The following TENM2 variants were observed in gnomAD, a reference collection of about 807,000 sequenced individuals.
TENM2 encodes the protein teneurin-2.
A neutral mutation model predicts 245.2 loss-of-function variants in TENM2; 52 were observed. That is an observed-to-expected ratio of 0.21 (90% confidence interval 0.17 to 0.27). The LOEUF is 0.27. Ranked by LOEUF, TENM2 falls within the 10% of genes least tolerant of loss-of-function variation. The pLI, the probability that TENM2 is intolerant of heterozygous loss-of-function variation, is 1.00. For missense variants in TENM2, 3,046 were observed against 3,666.8 expected (o/e 0.83, Z 4.37); for synonymous variants, 1,363 against 1,438.9 (o/e 0.95, Z 1.19).
intron 2 of TENM2, among the ~76,000 whole-genome samples, chr5:167,825,110 A>T (rs1004099277): frequency 1.3e-4 from 20 of 152,078 alleles, no homozygotes; most frequent in Non-Finnish European, 2.6e-4. Flanking sequence ...TCCTATCTGG[A>T]TTTATATTTT....
At chr5:168,028,431 GGGGCGATTCTAGGCAT>G (rs1459737259) in intron 5 of TENM2, among the ~76,000 whole-genome samples, 1 of 152,088 alleles carries the variant, frequency 6.6e-6, no homozygotes. Context: ...AAGGTGCTCA[GGGGCGATTCTAGGCAT>G]GGGCAGTGCT....
chr5:167,950,851 G>T (rs1780035647), intron 3 of TENM2, among the ~76,000 whole-genome samples: 2 of 152,160 alleles, frequency 1.3e-5, no homozygotes, highest in African/African-American at 4.8e-5. Context: ...TATTTAAAAT[G>T]TCACTGATGC....
At chr5:167,113,423 T>C in the TENM2 span, among the ~76,000 whole-genome samples, 1 of 152,014 alleles carries the variant, frequency 6.6e-6, no homozygotes, top group South Asian at 2.1e-4. Context: ...GGCGGATCAC[T>C]TGAGCCTAGG....
intron 1 of TENM2, among the ~76,000 whole-genome samples, chr5:167,342,284 A>G (rs1005388518): frequency 3.9e-5 from 6 of 151,930 alleles, no homozygotes; most frequent in African/African-American, 1.5e-4. Flanking sequence ...AGGAGTCTTG[A>G]TTAGGAACTT....
chr5:167,642,681 G>A (rs1323133310), intron 2 of TENM2, among the ~76,000 whole-genome samples: 1 of 152,218 alleles, frequency 6.6e-6, no homozygotes, highest in African/African-American at 2.4e-5. Context: ...AAGAAAAAGT[G>A]TAGTAGAATT....
At chr5:167,200,939 T>G in the TENM2 span, among the ~76,000 whole-genome samples, 1 of 152,140 alleles carries the variant, frequency 6.6e-6, no homozygotes, top group Non-Finnish European at 1.5e-5. Context: ...CCATGAATAT[T>G]ATATCCCAAA....
At chr5:167,244,022 A>AGG in the TENM2 span, among the ~76,000 whole-genome samples, 1 of 152,124 alleles carries the variant, frequency 6.6e-6, no homozygotes, top group African/African-American at 2.4e-5. Flanking sequence ...TTGCCTGGGA[A>AGG]ATCCTTCTTC....
chr5:168,005,383 G>A (rs1465723525), intron 5 of TENM2, among the ~76,000 whole-genome samples: 2 of 152,180 alleles, frequency 1.3e-5, no homozygotes, highest in African/African-American at 2.4e-5. Flanking sequence ...AGCCAAGTCT[G>A]AACTCTTTAA....
the TENM2 span, among the ~76,000 whole-genome samples, chr5:167,093,459 G>A: frequency 6.6e-6 from 1 of 152,140 alleles, no homozygotes; most frequent in Admixed American, 6.5e-5. Context: ...AGGCAGCCAG[G>A]AAAACAAGGT....
chr5:167,725,678 T>C (rs1759949293), intron 2 of TENM2, among the ~76,000 whole-genome samples: 1 of 152,218 alleles, frequency 6.6e-6, no homozygotes, highest in African/African-American at 2.4e-5. Flanking sequence ...AATATTTGTA[T>C]GGCTCGCCAG....
the TENM2 span, among the ~76,000 whole-genome samples, chr5:167,019,104 C>T: frequency 6.6e-6 from 1 of 151,726 alleles, no homozygotes; most frequent in Non-Finnish European, 1.5e-5. Flanking sequence ...TTTGATTTAT[C>T]TTGCCTAAAT....
chr5:167,306,386 G>C (rs549313799), intron 1 of TENM2: 1 of 152,018 alleles, frequency 6.6e-6, no homozygotes, highest in Non-Finnish European at 1.5e-5. Flanking sequence ...CTGGCTTCTT[G>C]CTCCTCAGTC....
the TENM2 span, among the ~76,000 whole-genome samples, chr5:167,100,476 T>C: frequency 6.6e-6 from 1 of 152,204 alleles, no homozygotes; most frequent in Non-Finnish European, 1.5e-5. Flanking sequence ...CCATTGTTAT[T>C]GCTGCCAGAC....
intron 1 of TENM2, among the ~76,000 whole-genome samples, chr5:167,368,424 AT>A (rs1262835958): frequency 6.6e-6 from 1 of 151,760 alleles, no homozygotes; most frequent in Admixed American, 6.6e-5. Flanking sequence ...ATAGAGGGTC[AT>A]TTTTTTTCCA....
At chr5:167,697,142 TG>T (rs1305599684) in intron 2 of TENM2, among the ~76,000 whole-genome samples, 1 of 152,142 alleles carries the variant, frequency 6.6e-6, no homozygotes, top group Admixed American at 6.5e-5. Context: ...CAACCAAAAA[TG>T]CCTCTGGATG....
the TENM2 span, among the ~76,000 whole-genome samples, chr5:167,092,988 T>C: frequency 6.6e-6 from 1 of 152,160 alleles, no homozygotes; most frequent in Non-Finnish European, 1.5e-5. Context: ...ATGGTTAATA[T>C]TCCATGACTT....
chr5:168,229,862 T>TAAAG (rs1185944478), intron 25 of TENM2: 2 of 152,218 alleles, frequency 1.3e-5, no homozygotes, highest in Admixed American at 6.5e-5. Context: ...AGTAGCCTCC[T>TAAAG]AAAGACAAAA....
At chr5:167,333,645 A>G (rs1333221736) in intron 1 of TENM2, among the ~76,000 whole-genome samples, 1 of 152,164 alleles carries the variant, frequency 6.6e-6, no homozygotes. Flanking sequence ...TGGAAGAGAG[A>G]GGAGAGTTGC....
chr5:167,649,071 A>G (rs279395), intron 2 of TENM2, among the ~76,000 whole-genome samples: 135,458 of 152,186 alleles, frequency 0.89, 60,452 homozygotes, highest in African/African-American at 0.93. Flanking sequence ...CTGTCACACC[A>G]CAAAGAGTAT....
Sources: gnomAD v4.1 joint callset for allele counts (sites outside exome capture counted in the v4.1 genomes callset) on GRCh38, gnomAD v4.1.1 for gene constraint, MANE v1.5 for transcripts, NCBI Gene and HGNC (gene_info 2026-07-23, HGNC 2026-07-21) for gene names.